Variants in ZNF728 observed in about 807,000 individuals in gnomAD.
ZNF728 encodes zinc finger protein 728.
Under a neutral mutation model 12.5 loss-of-function variants are expected in ZNF728, and 12 were observed. That is an observed-to-expected ratio of 0.96 (90% CI 0.61 to 1.55). ZNF728 has a LOEUF of 1.55. Among genes scored for constraint, ZNF728 ranks in the 40% most tolerant of loss-of-function variants. The probability of loss-of-function intolerance (pLI) is 0.00; values close to 1 mark genes in which losing one functional copy is unlikely to be tolerated. For missense variants in ZNF728, 692 were observed against 719.2 expected, an observed-to-expected ratio of 0.96 and a Z score of 0.43; for synonymous variants, 205 against 240.7, an observed-to-expected ratio of 0.85 and a Z score of 1.37.
At chr19:22,995,246 C>A (rs2145351445) in intron 1 of ZNF728, 1 of 152,122 alleles carries the variant, frequency 6.6e-6, no homozygotes, top group South Asian at 2.1e-4. Context: ...AGCTCTCATT[C>A]TGAGAAAGAT....
rs142111213 is a variant in ZNF728 at position 22,990,722 on chromosome 19, C to G, written c.4-2271G>C. 4.9e-4 allele frequency among the ~76,000 whole-genome samples: 74 copies of G among 152,232 alleles called. No homozygotes were observed. In the East Asian group the frequency reaches 0.013, roughly 27 times the overall value. On this transcript the variant is annotated intron_variant, in intron 1 of 3. Coordinates refer to ENST00000594710, the MANE Select transcript of ZNF728 (RefSeq NM_001267716.2). ...GGCCTCACCTTAGAGTCACATGAGCCACTTAATTAAAACAACATGGATGCT... is the reference window on the plus strand; with the variant it reads ...GGCCTCACCTTAGAGTCACATGAGCGACTTAATTAAAACAACATGGATGCT...
chr19:23,001,571 A>G (rs1449831129), intron 1 of ZNF728, among the ~76,000 whole-genome samples: 2 of 152,210 alleles, frequency 1.3e-5, no homozygotes, highest in Non-Finnish European at 2.9e-5. Flanking sequence ...TCTCAAGTCC[A>G]AGAAAAAACT....
In ZNF728 at chr19:22,976,862, T is replaced by C. The variant is rs1161759421; in HGVS notation, c.475A>G (p.Asn159Asp). 1.2e-6 allele frequency: 2 copies of C among 1,613,408 alleles called. No homozygotes were observed. Among genetic ancestry groups the C allele is most frequent in the African/African-American group, 1.3e-5 (1 of 75,058 alleles). ...KYANIFHKCS[N>D]SKRHKIRHTG... ...TGCCTTATCTTATGTCTTTTTGAATTTGAACATTTATGAAAGATGTTTGCA... is the reference window on the plus strand; with the variant it reads ...TGCCTTATCTTATGTCTTTTTGAATCTGAACATTTATGAAAGATGTTTGCA... Residue 159 changes from asparagine to aspartate, a missense_variant, in exon 4 of 4, where the codon AAT (asparagine) becomes GAT (aspartate). By Grantham distance (23) the Asn-to-Asp change is conservative. Coordinates refer to ENST00000594710, the MANE Select transcript of ZNF728 (RefSeq NM_001267716.2).
At chr19:22,997,118 A>G (rs1407088034) in intron 1 of ZNF728, among the ~76,000 whole-genome samples, 1 of 152,172 alleles carries the variant, frequency 6.6e-6, no homozygotes, top group Non-Finnish European at 1.5e-5. Context: ...ATTAACAACA[A>G]TATTAGGACC....
intron 1 of ZNF728, among the ~76,000 whole-genome samples, chr19:22,992,654 G>A (rs1046462221): frequency 3.3e-5 from 5 of 151,990 alleles, no homozygotes; most frequent in Admixed American, 6.6e-5. Context: ...TTTTTTACCC[G>A]AGTACAGGGA....
rs1968814258 is a variant in ZNF728 at position 22,977,060 on chromosome 19, C to G, written c.277G>C (p.Asp93His). The G allele has an allele frequency of 1.9e-6, 3 of 1,611,910 alleles. No individual in the cohort carries two copies. The highest frequency in any genetic ancestry group is 2.5e-6 in the Non-Finnish European group (3 of 1,179,120). The change falls in exon 4 of 4, where the codon GAT (aspartate) becomes CAT (histidine). Residue 93 changes from aspartate (D) to histidine (H), a missense_variant. This residue lies in a region of ZNF728 where 440 missense variants were observed against 459.6 expected (regional missense o/e 0.96). Coordinates refer to ENST00000594710, the MANE Select transcript of ZNF728 (RefSeq NM_001267716.2). ...CTCAATATCACTTTTTGGAAAGAAT[C>G]TTCTCTGCCCTGCTCTGGCCAAAGG... Reference protein sequence around the residue: ...QDLWPEQGREDSFQKVILRRY... With the variant: ...QDLWPEQGREHSFQKVILRRY...
intron 3 of ZNF728, among the ~76,000 whole-genome samples, chr19:22,985,111 T>C (rs1968901641): frequency 6.6e-6 from 1 of 152,180 alleles, no homozygotes; most frequent in South Asian, 2.1e-4. Flanking sequence ...TACTGGAATA[T>C]CACTCAGTTT....
intron 2 of ZNF728, among the ~76,000 whole-genome samples, chr19:22,987,903 A>G (rs548043626): frequency 7.9e-5 from 12 of 152,358 alleles, no homozygotes; most frequent in African/African-American, 2.9e-4. Flanking sequence ...TGGAGGCTAT[A>G]TGATCAAACA....
intron 1 of ZNF728, chr19:22,995,916 G>A (rs548048692): frequency 1.3e-5 from 2 of 152,256 alleles, no homozygotes; most frequent in African/African-American, 2.4e-5. Flanking sequence ...GCTAACTGGA[G>A]AGCTATTATG....
At chr19:22,988,508 A>T (rs1968944955) in intron 1 of ZNF728, 57 bp from the exon 2 acceptor site, 1 of 1,597,610 alleles carries the variant, frequency 6.3e-7, no homozygotes, top group Non-Finnish European at 8.5e-7. Context: ...AGAATTTTTA[A>T]TTTGACTCAA....
At chr19:22,982,932 A>C (rs1968876097) in intron 3 of ZNF728, among the ~76,000 whole-genome samples, 1 of 152,210 alleles carries the variant, frequency 6.6e-6, no homozygotes, top group South Asian at 2.1e-4. Flanking sequence ...AGACAATGCC[A>C]TTCAGGACAC....
intron 1 of ZNF728, among the ~76,000 whole-genome samples, chr19:22,993,435 C>T (rs1376159582): frequency 6.6e-6 from 1 of 152,208 alleles, no homozygotes; most frequent in African/African-American, 2.4e-5. Context: ...CTCATAGAGG[C>T]TGCTCTAGAA....
chr19:22,988,254 G>C, intron 2 of ZNF728, 71 bp downstream of exon 2: 1 of 1,610,122 alleles, frequency 6.2e-7, no homozygotes, highest in Non-Finnish European at 8.5e-7. Context: ...CCTTTGTCCA[G>C]GCCAATAAAG....
intron 3 of ZNF728, among the ~76,000 whole-genome samples, chr19:22,980,081 A>G (rs1968845183): frequency 6.6e-6 from 1 of 152,090 alleles, no homozygotes; most frequent in Non-Finnish European, 1.5e-5. Flanking sequence ...GAATAGAGTC[A>G]AGATCCATCT....
chr19:22,981,990 C>T (rs1288227266), intron 3 of ZNF728, among the ~76,000 whole-genome samples: 9 of 152,210 alleles, frequency 5.9e-5, no homozygotes, highest in African/African-American at 1.4e-4. Flanking sequence ...TGCCCTCCCT[C>T]ACCACTCCCA....
rs376850555 is a variant in ZNF728 at position 22,994,300 on chromosome 19, A to G, written c.4-5849T>C. Among the ~76,000 whole-genome samples the G allele has an allele frequency of 4.9e-4, 75 of 152,328 alleles. 1 individual carries two copies. The South Asian group carries it at 0.015, about 31-fold the overall frequency. ...CACAGCACAATTGTGAACTGACTGG[A>G]AGCCGAAAAGGCCCATCTAGAGTAA... On this transcript the variant is annotated intron_variant, in intron 1 of 3. Coordinates refer to ENST00000594710, the MANE Select transcript of ZNF728 (RefSeq NM_001267716.2).
At chr19:22,994,262 A>G (rs1969025104) in intron 1 of ZNF728, among the ~76,000 whole-genome samples, 1 of 152,204 alleles carries the variant, frequency 6.6e-6, no homozygotes, top group South Asian at 2.1e-4. Flanking sequence ...TATTTAGGGG[A>G]CAGCATGCAC....
At chr19:22,995,238 CTCTCAT>C (rs1461862854) in intron 1 of ZNF728, 1 of 152,114 alleles carries the variant, frequency 6.6e-6, no homozygotes, top group South Asian at 2.1e-4. Context: ...AGAAAAACAG[CTCTCAT>C]TCTGAGAAAG....
At position 22,976,778 on chromosome 19, in the gene ZNF728, G is replaced by A. The variant is rs1438270867; in HGVS notation, c.559C>T (p.His187Tyr). The change falls in exon 4 of 4, where the codon CAC becomes TAC. Residue 187 changes from histidine to tyrosine, a missense_variant. By Grantham distance (83) the His-to-Tyr change is moderately conservative (BLOSUM62 2). This residue lies in a region of ZNF728 where 440 missense variants were observed against 459.6 expected (regional missense o/e 0.96). Coordinates refer to ENST00000594710, the MANE Select transcript of ZNF728 (RefSeq NM_001267716.2). The part of the protein sequence containing the change: ...EYVRSFCMLS[H>Y]LSQHKRIYTR... ...TAAATTCTTTTATGTTGAGATAGGTGTGAAAGCATGCAAAATGATCTGACA... is the reference window on the plus strand; with the variant it reads ...TAAATTCTTTTATGTTGAGATAGGTATGAAAGCATGCAAAATGATCTGACA... 1 of 1,613,336 alleles carries A rather than the reference G, an allele frequency of 6.2e-7. No individual in the cohort carries two copies. Among genetic ancestry groups the A allele is most frequent in the Non-Finnish European group, 8.5e-7 (1 of 1,179,870 alleles).
Sources: allele counts gnomAD v4.1 joint callset (sites outside exome capture counted in the v4.1 genomes callset), GRCh38; gene constraint gnomAD v4.1.1; regional missense constraint gnomAD v4.1.1; transcripts MANE v1.5; gene names NCBI Gene and HGNC (gene_info 2026-07-23, HGNC 2026-07-21).